The following ERICH1 variants were observed in gnomAD, a reference collection of about 807,000 sequenced individuals.
ERICH1 encodes the protein glutamate rich 1.
Under a neutral mutation model 39.6 loss-of-function variants are expected in ERICH1, and 56 were observed. The ratio of observed to expected loss-of-function variants is 1.41; its 90% CI spans 1.14 to 1.77. The LOEUF (loss-of-function observed/expected upper bound fraction) is 1.77, where lower values mean the gene tolerates loss of function less well. ERICH1 is among the 40% of genes most tolerant of loss of function. The probability of loss-of-function intolerance (pLI) is 0.00; values close to 1 mark genes in which losing one functional copy is unlikely to be tolerated. For missense variants in ERICH1, 826 were observed against 575.4 expected (o/e 1.44, Z -4.45); for synonymous variants, 313 against 223.6 (o/e 1.40, Z -3.57).
intron 1 of ERICH1, among the ~76,000 whole-genome samples, chr8:719,056 G>A (rs1245256809): frequency 6.6e-6 from 1 of 152,248 alleles, no homozygotes; most frequent in African/African-American, 2.4e-5. Context: ...GACCACCTAG[G>A]CAGGTCCCAG....
chr8:718,795 T>C (rs1816630723), intron 1 of ERICH1, among the ~76,000 whole-genome samples: 1 of 152,210 alleles, frequency 6.6e-6, no homozygotes, highest in Admixed American at 6.5e-5. Context: ...CTCTGGGTCT[T>C]CAGCCTCTAG....
chr8:665,606 A>G (rs959386431), intron 5 of ERICH1, among the ~76,000 whole-genome samples: 2 of 152,224 alleles, frequency 1.3e-5, no homozygotes, highest in African/African-American at 4.8e-5. Flanking sequence ...GAATTAGAGG[A>G]GGTTGATGTT....
At chr8:682,095 G>C (rs1287829133) in intron 3 of ERICH1, among the ~76,000 whole-genome samples, 1 of 148,286 alleles carries the variant, frequency 6.7e-6, no homozygotes, top group African/African-American at 2.5e-5. Flanking sequence ...CTTGAGCCCA[G>C]TCTCTCTGCC....
chr8:618,489 T>C (rs1289112022), intron 3 of ERICH1, among the ~76,000 whole-genome samples: 1 of 152,204 alleles, frequency 6.6e-6, no homozygotes, highest in African/African-American at 2.4e-5. Flanking sequence ...TTGTCCTCAC[T>C]GCCCGGAGCA....
Position 723,322 on chromosome 8 carries a change from G to T in ERICH1, c.23-7315C>A, listed in dbSNP as rs143161320. Among the ~76,000 whole-genome samples, 571 of 152,286 alleles carry T rather than the reference G, an allele frequency of 3.7e-3. 5 individuals carry two copies. The highest frequency in any genetic ancestry group is 0.013 in the African/African-American group (528 of 41,548). ...ACCCGGCCTCCGACATTCCTTTACA[G>T]CAATGCAGAACAGACTAACACTCAC... On this transcript the variant is annotated intron_variant, in intron 1 of 5. Coordinates refer to ENST00000262109, the MANE Select transcript of ERICH1 (RefSeq NM_207332.3).
chr8:699,446 T>A (rs533737910), intron 2 of ERICH1, among the ~76,000 whole-genome samples: 44 of 152,178 alleles, frequency 2.9e-4, no homozygotes, highest in African/African-American at 1.0e-3. Flanking sequence ...GTGAAATCAG[T>A]GTAAAATCCA....
At chr8:694,652 G>T (rs1414654252) in intron 2 of ERICH1, among the ~76,000 whole-genome samples, 2 of 152,234 alleles carry the variant, frequency 1.3e-5, no homozygotes, top group African/African-American at 4.8e-5. Context: ...GGAGCACCAC[G>T]AGGGGCCTCA....
chr8:710,365 G>C (rs1398552229), intron 2 of ERICH1, among the ~76,000 whole-genome samples: 1 of 144,188 alleles, frequency 6.9e-6, no homozygotes, highest in Non-Finnish European at 1.5e-5. Flanking sequence ...GGCATCGTAC[G>C]GGGCGGTTTC....
At chr8:618,978 G>C (rs755749295) in intron 3 of ERICH1, among the ~76,000 whole-genome samples, 1 of 152,106 alleles carries the variant, frequency 6.6e-6, no homozygotes, top group Non-Finnish European at 1.5e-5. Context: ...ATTATCCTAA[G>C]GGCATACGCA....
intron 3 of ERICH1, among the ~76,000 whole-genome samples, chr8:628,746 G>C (rs1208425525): frequency 6.6e-6 from 1 of 152,178 alleles, no homozygotes; most frequent in Non-Finnish European, 1.5e-5. Flanking sequence ...CCCTCACGTA[G>C]TCCCTGAAGC....
chr8:668,496 T>G, intron 5 of ERICH1, 102 bp downstream of exon 5: 2 of 1,234,604 alleles, frequency 1.6e-6, no homozygotes, highest in South Asian at 1.2e-5. Context: ...CAGTGTCATA[T>G]TTTCCAACTC....
chr8:726,905 C>T (rs1818869233), intron 1 of ERICH1, among the ~76,000 whole-genome samples: 1 of 151,520 alleles, frequency 6.6e-6, no homozygotes, highest in Non-Finnish European at 1.5e-5. Flanking sequence ...CCCAGACATG[C>T]ATGTACACAC....
intron 3 of ERICH1, among the ~76,000 whole-genome samples, chr8:682,810 G>A (rs568613421): frequency 2.0e-5 from 3 of 152,274 alleles, no homozygotes; most frequent in South Asian, 2.1e-4. Flanking sequence ...ACCTTCTTAC[G>A]TGAAAGTAGG....
intron 3 of ERICH1, among the ~76,000 whole-genome samples, chr8:618,163 G>C (rs1483493446): frequency 2.0e-5 from 3 of 149,106 alleles, no homozygotes; most frequent in Non-Finnish European, 3.0e-5. Flanking sequence ...TGAGTGCTCA[G>C]TACTGAGTAC....
At chr8:705,592 T>C (rs980187542) in intron 2 of ERICH1, among the ~76,000 whole-genome samples, 3 of 152,132 alleles carry the variant, frequency 2.0e-5, no homozygotes, top group African/African-American at 4.8e-5. Context: ...AAAACAGGGA[T>C]GCTTTCTCCT....
chr8:726,073 C>CCA (rs771921565), intron 1 of ERICH1, among the ~76,000 whole-genome samples: 14 of 152,170 alleles, frequency 9.2e-5, no homozygotes, highest in Non-Finnish European at 1.9e-4. Context: ...GCACACAGTC[C>CCA]CACACACGGG....
chr8:731,121 C>G lies in ERICH1; in HGVS notation c.22+19G>C, dbSNP rs376000146. On this transcript the variant is annotated intron_variant, in intron 1 of 5. Coordinates refer to ENST00000262109, the MANE Select transcript of ERICH1 (RefSeq NM_207332.3). ...CCGGGTCTGGGGTCTGGGCAGGCCT[C>G]CGCACCGCACCCACCTACCGTGCTT... The G allele has an allele frequency of 8.6e-6, 13 of 1,507,368 alleles. No individual in the cohort carries two copies. Among genetic ancestry groups the G allele is most frequent in the South Asian group, 1.3e-5 (1 of 79,936 alleles). The allele number at this position is 1,507,368 out of a possible 1,614,324, so 93.4% of individuals were successfully genotyped here.
chr8:681,813 C>A (rs557032534), intron 3 of ERICH1, among the ~76,000 whole-genome samples: 1 of 152,202 alleles, frequency 6.6e-6, no homozygotes, highest in Non-Finnish European at 1.5e-5. Context: ...GGCTCCGGAA[C>A]CTCCTCTGAG....
chr8:722,624 T>C (rs1817588742), intron 1 of ERICH1, among the ~76,000 whole-genome samples: 1 of 152,258 alleles, frequency 6.6e-6, no homozygotes, highest in Non-Finnish European at 1.5e-5. Flanking sequence ...GAATTTAAAA[T>C]CTAACAGTTG....
Sources: gnomAD v4.1 joint callset for allele counts (sites outside exome capture counted in the v4.1 genomes callset) on GRCh38, gnomAD v4.1.1 for gene constraint, MANE v1.5 for transcripts, NCBI Gene and HGNC (gene_info 2026-07-23, HGNC 2026-07-21) for gene names.